The following SGCD variants were observed in gnomAD, a reference collection of about 807,000 sequenced individuals.
SGCD encodes sarcoglycan delta.
In SGCD, 18 loss-of-function variants were observed where a neutral mutation model predicts 36.6. That is an observed-to-expected ratio of 0.49 (90% CI 0.34 to 0.73). The LOEUF is 0.73. SGCD is among the 30% of genes least tolerant of loss of function. The probability of loss-of-function intolerance (pLI) is 0.01; values close to 1 mark genes in which losing one functional copy is unlikely to be tolerated. For synonymous variants in SGCD, 133 were observed against 130.6 expected, an observed-to-expected ratio of 1.02 and a Z score of -0.12; for missense variants, 387 against 346.7, an observed-to-expected ratio of 1.12 and a Z score of -0.92.
chr5:156,286,424 C>G (rs954973327), intron 3 of SGCD, among the ~76,000 whole-genome samples: 7 of 152,156 alleles, frequency 4.6e-5, no homozygotes, highest in Admixed American at 3.9e-4. Flanking sequence ...GGAACCACCC[C>G]AAATGTCCAA....
At chr5:156,750,728 CAGAT>C in intron 7 of SGCD, among the ~76,000 whole-genome samples, 1 of 151,410 alleles carries the variant, frequency 6.6e-6, no homozygotes, top group African/African-American at 2.4e-5. Flanking sequence ...AAATAACCTA[CAGAT>C]AGATTATGAA....
chr5:156,623,210 A>G (rs1762323160), intron 6 of SGCD, among the ~76,000 whole-genome samples: 1 of 152,176 alleles, frequency 6.6e-6, no homozygotes, highest in Non-Finnish European at 1.5e-5. Context: ...ACAGTATTGC[A>G]GTGGGCACTG....
chr5:155,758,191 T>C, the SGCD span, among the ~76,000 whole-genome samples: 2 of 152,030 alleles, frequency 1.3e-5, no homozygotes, highest in African/African-American at 4.8e-5. Context: ...GTTTAGAACA[T>C]GGGAAAAAGG....
At chr5:156,153,746 C>T (rs534380748) in intron 3 of SGCD, among the ~76,000 whole-genome samples, 33 of 151,632 alleles carry the variant, frequency 2.2e-4, no homozygotes, top group Non-Finnish European at 3.7e-4. Flanking sequence ...TTGATGTCAG[C>T]TACACGTGGA....
chr5:155,863,984 G>C, the SGCD span, among the ~76,000 whole-genome samples: 1 of 152,172 alleles, frequency 6.6e-6, no homozygotes, highest in African/African-American at 2.4e-5. Flanking sequence ...TTAGATAGTG[G>C]TAACTGCTAA....
the SGCD span, among the ~76,000 whole-genome samples, chr5:155,785,507 A>G: frequency 6.6e-6 from 1 of 152,130 alleles, no homozygotes; most frequent in African/African-American, 2.4e-5. Context: ...AGGACACCAG[A>G]ACTTCTTTCT....
intron 3 of SGCD, among the ~76,000 whole-genome samples, chr5:156,303,287 G>A (rs1039040504): frequency 6.6e-6 from 1 of 152,074 alleles, no homozygotes; most frequent in Non-Finnish European, 1.5e-5. Context: ...ATGCTACTGG[G>A]CTACCATTGA....
At chr5:156,328,906 A>T (rs1034722187) in intron 1 of SGCD, among the ~76,000 whole-genome samples, 2 of 152,108 alleles carry the variant, frequency 1.3e-5, no homozygotes, top group African/African-American at 4.8e-5. Context: ...AACTGGCATG[A>T]ACCGTAGTCA....
the SGCD span, among the ~76,000 whole-genome samples, chr5:155,782,681 G>C: frequency 2.6e-5 from 4 of 152,162 alleles, no homozygotes; most frequent in African/African-American, 4.8e-5. Flanking sequence ...TGAGCAGGGG[G>C]CAAATGAGCA....
chr5:155,886,500 ACG>A (rs1756006298), intron 1 of SGCD, among the ~76,000 whole-genome samples: 11 of 150,818 alleles, frequency 7.3e-5, no homozygotes, highest in East Asian at 2.0e-4. Flanking sequence ...GTGTGCGCGC[ACG>A]CGCGCGTGCG....
chr5:156,746,465 T>C (rs1218340431), intron 7 of SGCD, among the ~76,000 whole-genome samples: 2 of 152,224 alleles, frequency 1.3e-5, no homozygotes, highest in African/African-American at 4.8e-5. Context: ...ATGTTGATTG[T>C]ATAAACAGTA....
the SGCD span, among the ~76,000 whole-genome samples, chr5:155,758,195 A>G: frequency 2.0e-5 from 3 of 152,120 alleles, no homozygotes; most frequent in Admixed American, 6.6e-5. Context: ...AGAACATGGG[A>G]AAAAGGAAAC....
intron 7 of SGCD, among the ~76,000 whole-genome samples, chr5:156,681,582 C>T (rs968631362): frequency 6.6e-6 from 1 of 152,072 alleles, no homozygotes; most frequent in Non-Finnish European, 1.5e-5. Context: ...CCTTCTGTAT[C>T]AATATGTTGG....
chr5:156,274,917 A>C (rs1386215859), intron 3 of SGCD, among the ~76,000 whole-genome samples: 2 of 152,138 alleles, frequency 1.3e-5, no homozygotes, highest in African/African-American at 4.8e-5. Context: ...AGCGGGTTTC[A>C]TGGTAGGTTT....
At chr5:156,638,125 CT>C (rs1168701743) in intron 6 of SGCD, among the ~76,000 whole-genome samples, 235 of 144,178 alleles carry the variant, frequency 1.6e-3, no homozygotes, top group Admixed American at 1.9e-3. Context: ...AAATCATACA[CT>C]TTTTTTTTTT....
At chr5:156,025,924 G>A (rs1759218060) in intron 1 of SGCD, among the ~76,000 whole-genome samples, 1 of 152,210 alleles carries the variant, frequency 6.6e-6, no homozygotes, top group East Asian at 1.9e-4. Context: ...AAGTATAGGA[G>A]ATGAAAGTAT....
chr5:155,912,855 TTTTC>T (rs1472878610), intron 1 of SGCD, among the ~76,000 whole-genome samples: 2 of 152,076 alleles, frequency 1.3e-5, no homozygotes, highest in African/African-American at 4.8e-5. Flanking sequence ...TCTTAATTAC[TTTTC>T]TTTCTTTGTA....
chr5:156,591,827 T>A (rs1337919809), intron 5 of SGCD, among the ~76,000 whole-genome samples: 1 of 152,132 alleles, frequency 6.6e-6, no homozygotes, highest in East Asian at 1.9e-4. Flanking sequence ...TTTTAAGGAT[T>A]CCAGCCATGT....
chr5:156,395,007 G>A (rs1771773333), intron 3 of SGCD, among the ~76,000 whole-genome samples: 2 of 152,206 alleles, frequency 1.3e-5, no homozygotes, highest in South Asian at 4.1e-4. Context: ...GGCTGTATCT[G>A]TCCTTAATTT....
Sources: gnomAD v4.1 joint callset for allele counts (sites outside exome capture counted in the v4.1 genomes callset) on GRCh38, gnomAD v4.1.1 for gene constraint, MANE v1.5 for transcripts, NCBI Gene and HGNC (gene_info 2026-07-23, HGNC 2026-07-21) for gene names.